The following TRIO variants were observed in gnomAD, a reference collection of about 807,000 sequenced individuals.
TRIO encodes triple functional domain protein.
A neutral mutation model predicts 351.9 loss-of-function variants in TRIO; 58 were observed. The observed-to-expected ratio is 0.16, with a 90% CI of 0.13 to 0.21. The LOEUF (loss-of-function observed/expected upper bound fraction) is 0.21. Ranked by LOEUF, TRIO falls within the 10% of genes least tolerant of loss-of-function variation. The pLI is 1.00. For synonymous variants in TRIO, 1,758 were observed against 1,595.7 expected (o/e 1.10, Z -2.42); for missense variants, 3,201 against 4,027.8 (o/e 0.79, Z 5.56).
intron 1 of TRIO, among the ~76,000 whole-genome samples, chr5:14,202,119 T>A (rs1002924547): frequency 5.3e-4 from 76 of 142,612 alleles, no homozygotes; most frequent in African/African-American, 1.5e-3. Context: ...AGGTATAATT[T>A]AAAAAAAAAA....
At chr5:14,507,312 C>A in intron 56 of TRIO, 52 bp downstream of exon 56, 1 of 1,598,252 alleles carries the variant, frequency 6.3e-7, no homozygotes, top group South Asian at 1.1e-5. Flanking sequence ...CCGGCTTGGC[C>A]ATGCGGGACA....
intron 30 of TRIO, chr5:14,399,399 T>C (rs544767278): frequency 1.7e-4 from 65 of 377,800 alleles, no homozygotes; most frequent in Non-Finnish European, 2.8e-4. Context: ...ATCATATCTA[T>C]GACTAAGTTC....
intron 1 of TRIO, among the ~76,000 whole-genome samples, chr5:14,188,976 A>C (rs1034185810): frequency 6.6e-6 from 1 of 152,182 alleles, no homozygotes; most frequent in African/African-American, 2.4e-5. Flanking sequence ...TGTAGTGAAA[A>C]TGTTTTTCCA....
intron 8 of TRIO, among the ~76,000 whole-genome samples, chr5:14,312,177 C>A (rs1368157081): frequency 1.3e-5 from 2 of 152,190 alleles, no homozygotes; most frequent in Non-Finnish European, 2.9e-5. Context: ...ATAGGCAAAT[C>A]TCTGAAGTTT....
chr5:14,143,750 GCCGCCCCCGCCGCGTCCT>G lies in TRIO; in HGVS notation c.29_46del (p.Ala10_Ser15del), dbSNP rs1255716267. On this transcript the variant is annotated inframe_deletion, in exon 1 of 57. Coordinates refer to ENST00000344204, the MANE Select transcript of TRIO (RefSeq NM_007118.4). ...CATGAGCGGCAGCAGCGGCGGAGCC[GCCGCCCCCGCCGCGTCCT>G]CCGGCCCCGCCGCGGCGGCCAGCGC... 1.9e-5 allele frequency: 19 copies of G among 985,726 alleles called. No individual in the cohort carries two copies. The highest frequency in any genetic ancestry group is 4.6e-5 in the South Asian group (1 of 21,634). The allele number at this position is 985,726 out of a possible 1,614,324, so 61.1% of individuals were successfully genotyped here.
rs149099057 is a variant in TRIO at position 14,363,873 on chromosome 5, G to A, written c.2533G>A (p.Val845Ile). 253 of 1,614,110 alleles carry A rather than the reference G, an allele frequency of 1.6e-4. No homozygotes were observed. The highest frequency in any genetic ancestry group is 1.9e-4 in the Non-Finnish European group (228 of 1,180,012). The change falls in exon 14 of 57, where the codon GTC becomes ATC. Residue 845 changes from valine to isoleucine, a missense_variant. Around this residue, in one of 19 missense-constraint regions of TRIO, gnomAD observed 363 missense variants for 553.5 expected, o/e 0.66. Coordinates refer to ENST00000344204, the MANE Select transcript of TRIO (RefSeq NM_007118.4). ...ALTMNNLTFD[V>I]IHQGQDLLQY... is the part of the protein sequence containing the mutation. ...GACCATGAACAACTTGACTTTTGAC[G>A]TCATCCACCAAGGGCAAGATCTTCT...
At chr5:14,382,890 AC>A (rs1349389254) in intron 21 of TRIO, among the ~76,000 whole-genome samples, 1 of 150,568 alleles carries the variant, frequency 6.6e-6, no homozygotes, top group Non-Finnish European at 1.5e-5. Flanking sequence ...TTGCTCTGTT[AC>A]CCAGGCTGGA....
At chr5:14,145,628 A>G (rs1787469382) in intron 1 of TRIO, among the ~76,000 whole-genome samples, 1 of 152,104 alleles carries the variant, frequency 6.6e-6, no homozygotes, top group Non-Finnish European at 1.5e-5. Flanking sequence ...TACCTGTCAC[A>G]GAATAATAGA....
Position 14,487,681 on chromosome 5 carries a change from G to A in TRIO, c.7053G>A (p.Val2351=). Residue 2351 remains valine, a synonymous_variant, in exon 48 of 57, where the codon GTG becomes GTA. Transcript: ENST00000344204. ...IPQPVRHHPP[V]LVSSAASSQA... Reference sequence around the variant, plus strand: ...AGCCTGTCCGACACCACCCCCCCGTGCTGGTCTCCTCTGCAGCCTCGAGCC... The same window carrying A: ...AGCCTGTCCGACACCACCCCCCCGTACTGGTCTCCTCTGCAGCCTCGAGCC... 1 of 1,417,960 alleles carries A rather than the reference G, an allele frequency of 7.1e-7. No individual in the cohort carries two copies. Among genetic ancestry groups the A allele is most frequent in the South Asian group, 1.5e-5 (1 of 66,206 alleles). 87.8% of individuals were successfully genotyped at this position (1,417,960 alleles called of 1,614,324 possible).
At chr5:14,477,620 G>C (rs1026413006) in intron 41 of TRIO, among the ~76,000 whole-genome samples, 4 of 152,130 alleles carry the variant, frequency 2.6e-5, no homozygotes, top group Non-Finnish European at 5.9e-5. Context: ...CTTGACAGCT[G>C]ATCATTTCTT....
chr5:14,489,416 G>A (rs113044208), intron 48 of TRIO, among the ~76,000 whole-genome samples: 1,848 of 152,332 alleles, frequency 0.012, 37 homozygotes, highest in African/African-American at 0.037. Flanking sequence ...TAGGTTGGAC[G>A]TGCTAGGTAG....
chr5:14,353,381 G>A (rs1743313690), intron 11 of TRIO, among the ~76,000 whole-genome samples: 2 of 150,278 alleles, frequency 1.3e-5, no homozygotes, highest in South Asian at 4.2e-4. Flanking sequence ...TCCTGCCTCA[G>A]CCTCCCAAGT....
chr5:14,504,275 G>A (rs762860436), intron 54 of TRIO, 118 bp from the exon 55 acceptor site: 2 of 1,116,532 alleles, frequency 1.8e-6, no homozygotes, highest in Non-Finnish European at 1.3e-6. Context: ...GGCCGGGAGA[G>A]CAGGGCCTCT....
intron 55 of TRIO, among the ~76,000 whole-genome samples, chr5:14,504,862 C>G (rs1299504633): frequency 2.0e-5 from 3 of 151,130 alleles, no homozygotes; most frequent in South Asian, 2.2e-4. Context: ...GGAGATGCAC[C>G]CCCCCCACCC....
intron 3 of TRIO, among the ~76,000 whole-genome samples, chr5:14,283,783 C>T (rs1244509825): frequency 6.6e-6 from 1 of 151,776 alleles, no homozygotes; most frequent in African/African-American, 2.4e-5. Flanking sequence ...AACAAACAAA[C>T]AATTGTAGTA....
rs1460538487 is a variant in TRIO, at chr5:14,487,988, G to C, written c.7360G>C (p.Ala2454Pro). ...LPLGKPRAGAASPLNSPLSSA... is the reference protein window; with the variant it reads ...LPLGKPRAGAPSPLNSPLSSA... ...GCTTGGGAAGCCCCGGGCCGGGGCC[G>C]CTTCGCCGCTGAACTCGCCGCTCTC... The change falls in exon 48 of 57, where the codon GCT becomes CCT. Residue 2454 changes from alanine (A) to proline (P), a missense_variant. Ala to Pro is a conservative substitution (Grantham distance 27). Around this residue, in one of 19 missense-constraint regions of TRIO, gnomAD observed 1,089 missense variants for 954.9 expected, o/e 1.14. Coordinates refer to ENST00000344204, the MANE Select transcript of TRIO (RefSeq NM_007118.4). The C allele has an allele frequency of 6.4e-7, 1 of 1,559,632 alleles. No individual in the cohort carries two copies. Among genetic ancestry groups the C allele is most frequent in the South Asian group, 1.2e-5 (1 of 84,890 alleles).
intron 17 of TRIO, 105 bp from the exon 18 acceptor site, chr5:14,369,269 C>G: frequency 6.8e-7 from 1 of 1,463,126 alleles, no homozygotes. Flanking sequence ...CTTGATCCTC[C>G]TGACAGCATC....
At chr5:14,483,912 A>T (rs565595912) in intron 46 of TRIO, among the ~76,000 whole-genome samples, 1 of 152,012 alleles carries the variant, frequency 6.6e-6, no homozygotes, top group East Asian at 1.9e-4. Context: ...CTGTGCACCC[A>T]TGCCCTGAAC....
At chr5:14,160,964 G>T (rs758149823) in intron 1 of TRIO, among the ~76,000 whole-genome samples, 1 of 152,146 alleles carries the variant, frequency 6.6e-6, no homozygotes, top group Non-Finnish European at 1.5e-5. Context: ...AGGCTGGAGT[G>T]CAGCGGTGTG....
Sources: allele counts gnomAD v4.1 joint callset (sites outside exome capture counted in the v4.1 genomes callset), GRCh38; gene constraint gnomAD v4.1.1; regional missense constraint gnomAD v4.1.1; transcripts MANE v1.5; gene names NCBI Gene and HGNC (gene_info 2026-07-23, HGNC 2026-07-21).